Variants in FBLN1 observed in about 807,000 individuals in gnomAD.
FBLN1 encodes fibulin 1, also known as fibulin-1.
FBLN1 carries 34 observed loss-of-function variants against 89.7 expected under a neutral mutation model. The observed-to-expected ratio is 0.38, with a 90% confidence interval of 0.29 to 0.50. The LOEUF is 0.50. Ranked by LOEUF, FBLN1 falls within the 20% of genes least tolerant of loss-of-function variation. The pLI is 0.92. For missense variants in FBLN1, 777 were observed against 988.1 expected (o/e 0.79, Z 2.86); for synonymous variants, 393 against 391.3 (o/e 1.00, Z -0.05).
At chr22:45,523,664 A>G (rs1252589165) in intron 2 of FBLN1, among the ~76,000 whole-genome samples, 1 of 152,216 alleles carries the variant, frequency 6.6e-6, no homozygotes, top group Non-Finnish European at 1.5e-5. Flanking sequence ...TGATCGCAAC[A>G]TTGCACTCCA....
intron 16 of FBLN1, among the ~76,000 whole-genome samples, chr22:45,582,524 C>T (rs1318364225): frequency 1.3e-5 from 2 of 152,212 alleles, no homozygotes; most frequent in Non-Finnish European, 1.5e-5. Context: ...TCATGCTGCT[C>T]CCTGGGACCC....
chr22:45,576,858 C>A lies in FBLN1; in HGVS notation c.1841-119C>A. 1 of 1,235,770 alleles carries A rather than the reference C, an allele frequency of 8.1e-7. No individual in the cohort carries two copies. Among genetic ancestry groups the A allele is most frequent in the Non-Finnish European group, 1.2e-6 (1 of 865,258 alleles). The allele number at this position is 1,235,770 out of a possible 1,614,324, so 76.6% of individuals were successfully genotyped here. ...GGATCTCTGGCTTCATTGATGTTGT[C>A]TCATGAAAGGGCCCTGGGTTAGGTC... On this transcript the variant is annotated intron_variant, in intron 15 of 16. Coordinates refer to ENST00000327858, the MANE Select transcript of FBLN1 (RefSeq NM_006486.3). This position sits in a 1 kb window ranked among gnomAD's most constrained non-coding sequence, Gnocchi z 5.2.
Position 45,563,441 on chromosome 22 carries a change from C to G in FBLN1, c.1698-11070C>G. ...ACCCGGGGGTGAGCTGGGCACTGGC[C>G]ACCGCCTGGTACCCCCGAGGGCTGA... On this transcript the variant is annotated intron_variant, in intron 14 of 16. Transcript: ENST00000327858. This position sits in a 1 kb window ranked among gnomAD's most constrained non-coding sequence, Gnocchi z 5.7. 2 of 1,408,450 alleles carry G rather than the reference C, an allele frequency of 1.4e-6. No individual in the cohort carries two copies. The highest frequency in any genetic ancestry group is 2.7e-5 in the South Asian group (2 of 73,130). The allele number at this position is 1,408,450 out of a possible 1,614,324, so 87.2% of individuals were successfully genotyped here.
intron 16 of FBLN1, among the ~76,000 whole-genome samples, chr22:45,589,776 G>A (rs1218210002): frequency 2.0e-5 from 3 of 151,978 alleles, no homozygotes; most frequent in African/African-American, 7.3e-5. Context: ...CATCTGCTCA[G>A]GAAAACTGAG....
intron 16 of FBLN1, among the ~76,000 whole-genome samples, chr22:45,593,814 T>G (rs1335075673): frequency 3.3e-5 from 5 of 152,226 alleles, no homozygotes; most frequent in Non-Finnish European, 5.9e-5. Flanking sequence ...TCCTTCACTC[T>G]CTTTTCTTCT....
chr22:45,550,698 G>T lies in FBLN1; in HGVS notation c.1697+83G>T. 1 of 1,597,730 alleles carries T rather than the reference G, an allele frequency of 6.3e-7. No individual in the cohort carries two copies. The highest frequency in any genetic ancestry group is 8.6e-7 in the Non-Finnish European group (1 of 1,166,560). On this transcript the variant is annotated intron_variant, in intron 14 of 16. Transcript: ENST00000327858. This position sits in a 1 kb window ranked among gnomAD's most constrained non-coding sequence, Gnocchi z 8.4. ...AGTTCCCGGGTGGGTGGGTTATCAG[G>T]CTGTGACCTCGGTGTCCTCCCATGA...
In FBLN1 at chr22:45,535,266, G is replaced by C. The variant is rs1569244111; in HGVS notation, c.851G>C (p.Gly284Ala). 1 of 1,614,028 alleles carries C rather than the reference G, an allele frequency of 6.2e-7. No individual in the cohort carries two copies. The highest frequency in any genetic ancestry group is 1.3e-5 in the African/African-American group (1 of 74,890). Reference sequence around the variant, plus strand: ...GATTTTATCTGTCAGAATACTCTGGGATCCTTCCGCTGCCGACCCAAGCTA... The same window carrying C: ...GATTTTATCTGTCAGAATACTCTGGCATCCTTCCGCTGCCGACCCAAGCTA... ...LPDFICQNTL[G>A]SFRCRPKLQC... The change falls in exon 8 of 17, where the codon GGA (glycine) becomes GCA (alanine). Residue 284 changes from glycine to alanine, a missense_variant. Transcript: ENST00000327858.
At chr22:45,587,740 T>C (rs940985342) in intron 16 of FBLN1, among the ~76,000 whole-genome samples, 1 of 151,988 alleles carries the variant, frequency 6.6e-6, no homozygotes, top group South Asian at 2.1e-4. Flanking sequence ...AGACCCCAAA[T>C]ATTCCATGGC....
intron 14 of FBLN1, among the ~76,000 whole-genome samples, chr22:45,551,965 G>T (rs1033227789): frequency 6.6e-6 from 1 of 152,304 alleles, no homozygotes; most frequent in Non-Finnish European, 1.5e-5. Flanking sequence ...GGGCCCTGGC[G>T]CCTCCTAAGC....
chr22:45,540,617 C>T (rs930096031), intron 8 of FBLN1, among the ~76,000 whole-genome samples: 7 of 152,186 alleles, frequency 4.6e-5, no homozygotes, highest in East Asian at 1.9e-4. Context: ...ATTCTTCCTC[C>T]GAATTTGAGC....
intron 1 of FBLN1, among the ~76,000 whole-genome samples, chr22:45,506,336 T>G (rs2088020787): frequency 6.6e-6 from 1 of 152,232 alleles, no homozygotes; most frequent in African/African-American, 2.4e-5. Context: ...CTGGTAGTCG[T>G]CAGTGCCAAA....
chr22:45,507,261 T>TTA (rs2088035329), intron 1 of FBLN1, among the ~76,000 whole-genome samples: 1 of 152,188 alleles, frequency 6.6e-6, no homozygotes, highest in Non-Finnish European at 1.5e-5. Flanking sequence ...CGCCATAGCT[T>TTA]CCTACAGGTT....
chr22:45,542,869 G>T (rs994708238), intron 10 of FBLN1, among the ~76,000 whole-genome samples: 3 of 152,250 alleles, frequency 2.0e-5, no homozygotes, highest in Non-Finnish European at 2.9e-5. Context: ...GCCGCAGAAG[G>T]AGCACGAGGC....
intron 16 of FBLN1, among the ~76,000 whole-genome samples, chr22:45,592,628 G>A (rs866576664): frequency 6.6e-6 from 1 of 152,114 alleles, no homozygotes; most frequent in Non-Finnish European, 1.5e-5. Context: ...ACGCCCGGCC[G>A]CACATATTCT....
intron 16 of FBLN1, among the ~76,000 whole-genome samples, chr22:45,585,188 C>T (rs576243503): frequency 1.8e-4 from 27 of 152,190 alleles, no homozygotes; most frequent in Admixed American, 5.2e-4. Flanking sequence ...ATCTAGGCAG[C>T]ACCATCCACC....
At chr22:45,594,365 G>T (rs1451490391) in intron 16 of FBLN1, among the ~76,000 whole-genome samples, 1 of 152,154 alleles carries the variant, frequency 6.6e-6, no homozygotes, top group Non-Finnish European at 1.5e-5. Context: ...GAGGCACGTG[G>T]CTCAGCCTCA....
In FBLN1 at chr22:45,563,559, A is replaced by G. The variant is rs118001978; in HGVS notation, c.1698-10952A>G. ...CCGACAGGGAGGCCAGGCCGGGTAC[A>G]TCATTTCACATGTGTTAACTTGTCT... On this transcript the variant is annotated intron_variant, in intron 14 of 16. Coordinates refer to ENST00000327858, the MANE Select transcript of FBLN1 (RefSeq NM_006486.3). The surrounding 1 kb of genome is among the most constrained non-coding windows in gnomAD (Gnocchi z 5.7). 0.031 allele frequency among the ~76,000 whole-genome samples: 4,783 copies of G among 152,296 alleles called. 99 individuals are homozygous for G. Among genetic ancestry groups the G allele is most frequent in the South Asian group, 0.069 (334 of 4,826 alleles).
At chr22:45,553,786 T>TGATGAC (rs528916268) in intron 14 of FBLN1, among the ~76,000 whole-genome samples, 149 of 152,262 alleles carry the variant, frequency 9.8e-4, no homozygotes, top group Admixed American at 2.7e-3. Flanking sequence ...TCGCTGTGTG[T>TGATGAC]GATGACGGCG....
chr22:45,548,043 G>A (rs1448492082), intron 12 of FBLN1, among the ~76,000 whole-genome samples: 1 of 152,124 alleles, frequency 6.6e-6, no homozygotes. Context: ...AGGTGTGTGT[G>A]TATTTTGTTT....
Sources: gnomAD v4.1 joint callset for allele counts (sites outside exome capture counted in the v4.1 genomes callset) on GRCh38, gnomAD v4.1.1 for gene constraint, Gnocchi (gnomAD v3.1) non-coding constraint, MANE v1.5 for transcripts, NCBI Gene and HGNC (gene_info 2026-07-23, HGNC 2026-07-21) for gene names.